The following MEF2B variants were observed in gnomAD, a reference collection of about 807,000 sequenced individuals.
The protein encoded by MEF2B is myocyte enhancer factor 2B, also known as myocyte-specific enhancer factor 2B.
In MEF2B, 15 loss-of-function variants were observed where a neutral mutation model predicts 32.2. That is an observed-to-expected ratio of 0.47 (90% CI 0.31 to 0.72). The LOEUF (loss-of-function observed/expected upper bound fraction) is 0.72. Among genes scored for constraint, MEF2B ranks in the 30% least tolerant of loss-of-function variants. MEF2B has a pLI of 0.05. For missense variants in MEF2B, 441 were observed against 511.5 expected (o/e 0.86, Z 1.33); for synonymous variants, 205 against 225.6 (o/e 0.91, Z 0.82).
At chr19:19,168,493 G>C (rs1023705188) in intron 1 of MEF2B, among the ~76,000 whole-genome samples, 1 of 151,602 alleles carries the variant, frequency 6.6e-6, no homozygotes, top group Middle Eastern at 3.2e-3. Context: ...GGCTGGTCTC[G>C]AACTCCTGAC....
chr19:19,150,858 C>A, intron 1 of MEF2B, 94 bp from the exon 2 acceptor site: 3 of 1,439,700 alleles, frequency 2.1e-6, no homozygotes, highest in Non-Finnish European at 2.9e-6. Flanking sequence ...CCCCTGCCAG[C>A]CACTGAGAGG....
At chr19:19,159,808 G>A (rs1315704891) in intron 1 of MEF2B, among the ~76,000 whole-genome samples, 1 of 152,058 alleles carries the variant, frequency 6.6e-6, no homozygotes, top group East Asian at 1.9e-4. Context: ...TAGCCCCCCA[G>A]TAATGGAGAT....
intron 7 of MEF2B, 84 bp downstream of exon 7, chr19:19,146,471 C>G: frequency 7.2e-7 from 1 of 1,380,516 alleles, no homozygotes; most frequent in East Asian, 2.6e-5. Context: ...GTTTTGAGTT[C>G]TGGTGGGTGG....
At chr19:19,146,128 G>C (rs1455781665) in intron 8 of MEF2B, 106 bp from the exon 9 acceptor site, 1 of 1,042,856 alleles carries the variant, frequency 9.6e-7, no homozygotes, top group Non-Finnish European at 1.3e-6. Flanking sequence ...CCCTGGGAAA[G>C]GAGGGGGTGG....
At chr19:19,146,094 G>A (rs563927058) in intron 8 of MEF2B, 72 bp from the exon 9 acceptor site, 24 of 1,285,706 alleles carry the variant, frequency 1.9e-5, no homozygotes, top group East Asian at 8.6e-5. Flanking sequence ...ATGGCACAGC[G>A]TGGGCAAAGG....
At chr19:19,159,035 A>T (rs539647026) in intron 1 of MEF2B, among the ~76,000 whole-genome samples, 1 of 150,554 alleles carries the variant, frequency 6.6e-6, no homozygotes, top group African/African-American at 2.4e-5. Context: ...CCTCCTCCCC[A>T]GTTCAAGCAA....
chr19:19,167,519 C>T (rs2060218763), intron 1 of MEF2B, among the ~76,000 whole-genome samples: 1 of 151,900 alleles, frequency 6.6e-6, no homozygotes, highest in African/African-American at 2.4e-5. Flanking sequence ...AAGATGCTGT[C>T]TCAAAAACAA....
At position 19,147,076 on chromosome 19, in the gene MEF2B, T is replaced by A. The variant is rs1599718398; in HGVS notation, c.501A>T (p.Pro167=). The stretch of plus-strand genomic sequence containing the variant: ...TGGGGGCTGCTGGTCGGAAGGGAGA[T>A]GGGCGGCTCTGGGCGGGCAGTGCTT... ...LGEALPAQSR[P]SPFRPAAPKA... is the part of the protein sequence containing the mutation. The change falls in exon 5 of 9, where the codon CCA becomes CCT. Residue 167 remains proline (P), a synonymous_variant. Coordinates refer to ENST00000424583, the MANE Select transcript of MEF2B (RefSeq NM_001145785.2). The A allele has an allele frequency of 6.2e-7, 1 of 1,608,790 alleles. No individual in the cohort carries two copies. The highest frequency in any genetic ancestry group is 1.1e-5 in the South Asian group (1 of 90,652).
Position 19,145,763 on chromosome 19 carries a change from C to A in MEF2B, c.*34G>T, listed in dbSNP as rs893560332. 6 of 1,555,590 alleles carry A rather than the reference C, an allele frequency of 3.9e-6. No homozygotes were observed. The highest frequency in any genetic ancestry group is 5.2e-6 in the Non-Finnish European group (6 of 1,149,892). On this transcript the variant is annotated 3_prime_UTR_variant, in exon 9 of 9. Transcript: ENST00000424583. The surrounding 1 kb of genome is among the most constrained non-coding windows in gnomAD (Gnocchi z 4.6). ...CCCCACGTGCCCTCGCCGTACCTGGCGAGCGCTCTGGGCTGGTGCCACCGG... is the reference window on the plus strand; with the variant it reads ...CCCCACGTGCCCTCGCCGTACCTGGAGAGCGCTCTGGGCTGGTGCCACCGG...
At chr19:19,154,883 G>A (rs1482655751) in intron 1 of MEF2B, among the ~76,000 whole-genome samples, 1 of 152,252 alleles carries the variant, frequency 6.6e-6, no homozygotes, top group Non-Finnish European at 1.5e-5. Context: ...CGTCTTGACA[G>A]AGACTGGGGG....
chr19:19,163,025 T>C (rs1056838143), intron 1 of MEF2B, among the ~76,000 whole-genome samples: 4 of 152,180 alleles, frequency 2.6e-5, no homozygotes, highest in African/African-American at 9.6e-5. Flanking sequence ...TACTTGCCCA[T>C]CACTCTCCCT....
At chr19:19,167,441 G>A (rs1406485000) in intron 1 of MEF2B, among the ~76,000 whole-genome samples, 2 of 151,596 alleles carry the variant, frequency 1.3e-5, no homozygotes, top group Non-Finnish European at 2.9e-5. Flanking sequence ...AGGATCACTT[G>A]AGCCCAGGAG....
intron 1 of MEF2B, among the ~76,000 whole-genome samples, chr19:19,154,734 A>G (rs1210380563): frequency 6.6e-6 from 1 of 152,184 alleles, no homozygotes; most frequent in Non-Finnish European, 1.5e-5. Flanking sequence ...GTGAGCCACT[A>G]TGAGAAGGTT....
chr19:19,161,274 G>T (rs969438858), intron 1 of MEF2B, among the ~76,000 whole-genome samples: 1 of 152,024 alleles, frequency 6.6e-6, no homozygotes. Flanking sequence ...AGTGCTGAGG[G>T]ACAGGGGCGG....
chr19:19,163,056 C>T (rs1248739964), intron 1 of MEF2B, among the ~76,000 whole-genome samples: 1 of 152,206 alleles, frequency 6.6e-6, no homozygotes, highest in Non-Finnish European at 1.5e-5. Context: ...TGTGTCCAAC[C>T]CCGGGACACC....
rs200858994 is a variant in MEF2B, at chr19:19,148,680, CTTATTTATTTATTTAT to C, written c.258+530_258+545del. Among the ~76,000 whole-genome samples the C allele has an allele frequency of 8.6e-4, 122 of 142,258 alleles. 1 individual carries two copies. Among genetic ancestry groups the C allele is most frequent in the South Asian group, 2.3e-3 (10 of 4,358 alleles). The allele number at this position is 142,258 out of a possible 152,430, so 93.3% of individuals were successfully genotyped here. ...CCCATCCCAGTGAAGACTCCTCTGT[CTTATTTATTTATTTAT>C]TTATTTATTTATTTATTTATTTATT... On this transcript the variant is annotated intron_variant, in intron 3 of 8. Coordinates refer to ENST00000424583, the MANE Select transcript of MEF2B (RefSeq NM_001145785.2).
chr19:19,167,873 G>A (rs961447968), intron 1 of MEF2B, among the ~76,000 whole-genome samples: 2 of 152,136 alleles, frequency 1.3e-5, no homozygotes, highest in African/African-American at 2.4e-5. Context: ...GCATGGCCTT[G>A]AGCTCCATCC....
chr19:19,169,059 A>AT (rs924245039), intron 1 of MEF2B, among the ~76,000 whole-genome samples: 1 of 151,258 alleles, frequency 6.6e-6, no homozygotes, highest in African/African-American at 2.4e-5. Flanking sequence ...CTCAAAAAAA[A>AT]TTTTTTTTTA....
chr19:19,168,250 T>C, intron 1 of MEF2B, among the ~76,000 whole-genome samples: 1 of 151,850 alleles, frequency 6.6e-6, no homozygotes, highest in Non-Finnish European at 1.5e-5. Context: ...GCCTTGATTA[T>C]TGTTTTGTTT....
Sources: gnomAD v4.1 joint callset for allele counts (sites outside exome capture counted in the v4.1 genomes callset) on GRCh38, gnomAD v4.1.1 for gene constraint, Gnocchi (gnomAD v3.1) non-coding constraint, MANE v1.5 for transcripts, NCBI Gene and HGNC (gene_info 2026-07-23, HGNC 2026-07-21) for gene names.